MSL1: variants seen among roughly 807,000 people sequenced by gnomAD.
The protein encoded by MSL1 is male-specific lethal 1 homolog.
A neutral mutation model predicts 64.6 loss-of-function variants in MSL1; 21 were observed. The ratio of observed to expected loss-of-function variants is 0.33; its 90% confidence interval spans 0.23 to 0.47. The LOEUF is 0.47. Ranked by LOEUF, MSL1 falls within the 20% of genes least tolerant of loss-of-function variation. MSL1 has a pLI of 1.00. For missense variants in MSL1, 664 were observed against 793.2 expected (o/e 0.84, Z 1.96); for synonymous variants, 339 against 329.6 (o/e 1.03, Z -0.31).
chr17:40,125,243 G>A (rs896043283), intron 1 of MSL1, among the ~76,000 whole-genome samples: 3 of 152,092 alleles, frequency 2.0e-5, no homozygotes, highest in African/African-American at 7.2e-5. Context: ...TAGATGAATA[G>A]GTATAATTTT....
Position 40,122,398 on chromosome 17 carries a change from G to C in MSL1, c.-215G>C, listed in dbSNP as rs920719209. On this transcript the variant is annotated 5_prime_UTR_variant, in exon 1 of 9. Transcript: ENST00000398532. The surrounding 1 kb of genome is among the most constrained non-coding windows in gnomAD (Gnocchi z 4.2). ...AGAGGCGGCGGCGAGGCCCCCATGGGCCGGCGGCGGGCCTCAGCCGCGGCC... is the reference window on the plus strand; with the variant it reads ...AGAGGCGGCGGCGAGGCCCCCATGGCCCGGCGGCGGGCCTCAGCCGCGGCC... 3.0e-6 allele frequency: 1 copy of C among 330,326 alleles called. No homozygotes were observed. Among genetic ancestry groups the C allele is most frequent in the African/African-American group, 2.2e-5 (1 of 46,006 alleles). The allele number at this position is 330,326 out of a possible 1,614,324, so 20.5% of individuals were successfully genotyped here. A position where few individuals can be genotyped will look rare whatever the true frequency, so the allele number is the denominator to read the frequency against.
intron 2 of MSL1, among the ~76,000 whole-genome samples, chr17:40,127,455 T>C (rs767360130): frequency 6.6e-6 from 1 of 152,148 alleles, no homozygotes; most frequent in African/African-American, 2.4e-5. Flanking sequence ...GTAAAATACG[T>C]AGATGTACAA....
At chr17:40,133,246 T>G in intron 6 of MSL1, 137 bp downstream of exon 6, 1 of 851,556 alleles carries the variant, frequency 1.2e-6, no homozygotes, top group South Asian at 1.8e-5. Context: ...GGCTTCCCAG[T>G]TGGTTGAATA....
intron 2 of MSL1, among the ~76,000 whole-genome samples, chr17:40,127,035 A>G (rs1159839777): frequency 2.6e-5 from 4 of 152,008 alleles, no homozygotes; most frequent in African/African-American, 9.7e-5. Context: ...GCATTGGTAG[A>G]CATAGAAAAG....
intron 1 of MSL1, among the ~76,000 whole-genome samples, 181 bp downstream of exon 1, chr17:40,123,561 G>A (rs921056014): frequency 6.6e-6 from 1 of 152,024 alleles, no homozygotes; most frequent in African/African-American, 2.4e-5. Context: ...TTGGGTTGGA[G>A]GGAAGGGTTA....
intron 5 of MSL1, 137 bp from the exon 6 acceptor site, chr17:40,132,905 T>A: frequency 1.4e-6 from 1 of 695,234 alleles, no homozygotes; most frequent in Non-Finnish European, 2.5e-6. Flanking sequence ...GTTCCCATAC[T>A]GTCCATGGAA....
chr17:40,124,343 T>C (rs1193036335), intron 1 of MSL1, among the ~76,000 whole-genome samples: 1 of 151,148 alleles, frequency 6.6e-6, no homozygotes, highest in Non-Finnish European at 1.5e-5. Flanking sequence ...CCCTCCCTCT[T>C]CCTCCCTCCC....
chr17:40,123,443 G>A, intron 1 of MSL1, 63 bp downstream of exon 1: 2 of 1,496,746 alleles, frequency 1.3e-6, no homozygotes, highest in South Asian at 1.2e-5. Flanking sequence ...TCGGGGGAAG[G>A]GGGCTGTAGG....
Position 40,126,166 on chromosome 17 carries a change from G to C in MSL1, c.769-17G>C. The C allele has an allele frequency of 1.9e-6, 3 of 1,611,148 alleles. No homozygotes were observed. The highest frequency in any genetic ancestry group is 2.5e-6 in the Non-Finnish European group (3 of 1,177,364). Reference sequence around the variant, plus strand: ...TTTTTATGTGTTAAGTCTGCATTTTGCTACTCTCTCTTTTAGCTCCTTGCT... The same window carrying C: ...TTTTTATGTGTTAAGTCTGCATTTTCCTACTCTCTCTTTTAGCTCCTTGCT... On this transcript the variant is annotated splice_polypyrimidine_tract_variant and intron_variant, in intron 1 of 8. Coordinates refer to ENST00000398532, the MANE Select transcript of MSL1 (RefSeq NM_001365919.1).
Position 40,123,107 on chromosome 17 carries a change from C to A in MSL1, c.495C>A (p.Thr165=). The A allele has an allele frequency of 2.6e-6, 4 of 1,529,220 alleles. No homozygotes were observed. Among genetic ancestry groups the A allele is most frequent in the Non-Finnish European group, 2.6e-6 (3 of 1,144,254 alleles). The allele number at this position is 1,529,220 out of a possible 1,614,324, so 94.7% of individuals were successfully genotyped here. Residue 165 remains threonine (T), a synonymous_variant, in exon 1 of 9, where the codon ACC becomes ACA. Transcript: ENST00000398532. ...DKGGAASPAA[T]ASDPAGPPPL... ...GTGGGGCGGCCTCCCCCGCTGCCAC[C>A]GCCTCGGACCCGGCGGGACCCCCAC... is the stretch of plus-strand genomic sequence containing the variant.
Position 40,131,392 on chromosome 17 carries a change from C to A in MSL1, c.1376-145C>A. On this transcript the variant is annotated intron_variant, in intron 3 of 8. Transcript: ENST00000398532. This position sits in a 1 kb window ranked among gnomAD's most constrained non-coding sequence, Gnocchi z 4.5. ...TTGTCTGTTGTTCCCTCTTCCCCTC[C>A]CCCAGAGAGAAATTCTCAAAAGAAC... is the stretch of plus-strand genomic sequence containing the variant. The A allele has an allele frequency of 1.5e-6, 1 of 659,928 alleles. No individual in the cohort carries two copies. The highest frequency in any genetic ancestry group is 2.7e-6 in the Non-Finnish European group (1 of 375,700). The allele number at this position is 659,928 out of a possible 1,614,324, so 40.9% of individuals were successfully genotyped here.
At position 40,131,948 on chromosome 17, in the gene MSL1, C is replaced by T. The variant is rs1988445274; in HGVS notation, c.1424-86C>T. The stretch of plus-strand genomic sequence containing the variant: ...CTTTGTCTCTTCTGGGGAGAGACCT[C>T]TTATCCTAGTGAATAGTTGTGCAAC... On this transcript the variant is annotated intron_variant, in intron 4 of 8. Transcript: ENST00000398532. This position sits in a 1 kb window ranked among gnomAD's most constrained non-coding sequence, Gnocchi z 4.5. 3.1e-6 allele frequency: 3 copies of T among 973,294 alleles called. No homozygotes were observed. The South Asian group carries it at 4.2e-5, about 14-fold the overall frequency. The allele number at this position is 973,294 out of a possible 1,614,324, so 60.3% of individuals were successfully genotyped here. A position where few individuals can be genotyped will look rare whatever the true frequency, so the allele number is the denominator to read the frequency against.
In MSL1 at chr17:40,135,805, T is replaced by G. The variant is rs1988528486; in HGVS notation, c.*1436T>G. The G allele has an allele frequency of 1.3e-5, 2 of 152,236 alleles. No homozygotes were observed. Among genetic ancestry groups the G allele is most frequent in the South Asian group, 4.1e-4 (2 of 4,828 alleles). 9.4% of individuals were successfully genotyped at this position (152,236 alleles called of 1,614,324 possible). A position where few individuals can be genotyped will look rare whatever the true frequency, so the allele number is the denominator to read the frequency against. ...AATTATTCTGGCAGCACATGTAGTATTCTTGGATGATCTTGCTGCTCTTAT... is the reference window on the plus strand; with the variant it reads ...AATTATTCTGGCAGCACATGTAGTAGTCTTGGATGATCTTGCTGCTCTTAT... On this transcript the variant is annotated 3_prime_UTR_variant, in exon 9 of 9. Transcript: ENST00000398532.
chr17:40,127,372 G>C (rs12940354), intron 2 of MSL1, among the ~76,000 whole-genome samples: 1 of 150,126 alleles, frequency 6.7e-6, no homozygotes, highest in Non-Finnish European at 1.5e-5. Context: ...AAATGGAACT[G>C]TCCTTGGACT....
chr17:40,133,623 C>G lies in MSL1; in HGVS notation c.1646C>G (p.Pro549Arg), dbSNP rs763510867. The change falls in exon 7 of 9, where the codon CCT becomes CGT. Residue 549 changes from proline (P) to arginine (R), a missense_variant. Transcript: ENST00000398532. ...YKKKGIQESE[P>R]EVTSFFPEPD... is the part of the protein sequence containing the mutation. ...AAGAAAGGAATTCAGGAATCTGAGC[C>G]TGAGGTTACCTCATTTTTCCCTGAG... The G allele has an allele frequency of 6.2e-7, 1 of 1,613,638 alleles. No homozygotes were observed.
At chr17:40,124,994 T>TA (rs1485496529) in intron 1 of MSL1, 4 of 152,232 alleles carry the variant, frequency 2.6e-5, no homozygotes, top group African/African-American at 9.7e-5. Context: ...TTGTTTCACT[T>TA]ATTCCAGTTG....
rs1409023999 is a variant in MSL1, at chr17:40,122,025, T to C, written c.-588T>C. Reference sequence around the variant, plus strand: ...CGGTGGCGGCTACGAGCGGCTCCGTTTTTTTAAAGGGAAACGCTGAGGCGC... The same window carrying C: ...CGGTGGCGGCTACGAGCGGCTCCGTCTTTTTAAAGGGAAACGCTGAGGCGC... On this transcript the variant is annotated 5_prime_UTR_variant, in exon 1 of 9. Coordinates refer to ENST00000398532, the MANE Select transcript of MSL1 (RefSeq NM_001365919.1). The surrounding 1 kb of genome is among the most constrained non-coding windows in gnomAD (Gnocchi z 4.2). Among the ~76,000 whole-genome samples, 2 of 150,970 alleles carry C rather than the reference T, an allele frequency of 1.3e-5. No individual in the cohort carries two copies. Among genetic ancestry groups the C allele is most frequent in the African/African-American group, 4.9e-5 (2 of 41,012 alleles).
Position 40,131,810 on chromosome 17 carries a change from T to C in MSL1, c.1424-224T>C. On this transcript the variant is annotated intron_variant, in intron 4 of 8. Coordinates refer to ENST00000398532, the MANE Select transcript of MSL1 (RefSeq NM_001365919.1). The surrounding 1 kb of genome is among the most constrained non-coding windows in gnomAD (Gnocchi z 4.5). ...TTGTCAGGTATTGGTTTAGGGTTTT[T>C]GTGATCCTGAGTTTGGCAGACTGCA... The C allele has an allele frequency of 1.6e-6, 1 of 618,582 alleles. No homozygotes were observed. The highest frequency in any genetic ancestry group is 2.9e-6 in the Non-Finnish European group (1 of 348,854). The allele number at this position is 618,582 out of a possible 1,614,324, so 38.3% of individuals were successfully genotyped here. A position where few individuals can be genotyped will look rare whatever the true frequency, so the allele number is the denominator to read the frequency against.
chr17:40,123,469 CGGGTTAG>C, intron 1 of MSL1, 89 bp downstream of exon 1: 1 of 1,335,634 alleles, frequency 7.5e-7, no homozygotes, highest in East Asian at 2.5e-5. Context: ...AAGGCACCCC[CGGGTTAG>C]GGGTAAAGGA....
Sources: gnomAD v4.1 joint callset for allele counts (sites outside exome capture counted in the v4.1 genomes callset) on GRCh38, gnomAD v4.1.1 for gene constraint, Gnocchi (gnomAD v3.1) non-coding constraint, MANE v1.5 for transcripts, NCBI Gene and HGNC (gene_info 2026-07-23, HGNC 2026-07-21) for gene names.